Variants in KIF26B observed in about 807,000 individuals in gnomAD.
KIF26B encodes kinesin family member 26B, also known as kinesin-like protein KIF26B.
In KIF26B, 63 loss-of-function variants were observed where a neutral mutation model predicts 151.2. That is an observed-to-expected ratio of 0.42 (90% CI 0.34 to 0.51). KIF26B has a LOEUF of 0.51. KIF26B is among the 20% of genes least tolerant of loss of function. The probability of loss-of-function intolerance (pLI) is 0.07; values close to 1 mark genes in which losing one functional copy is unlikely to be tolerated. For missense variants in KIF26B, 2,813 were observed against 2,913.6 expected, an observed-to-expected ratio of 0.97 and a Z score of 0.79; for synonymous variants, 1,357 against 1,262.1, an observed-to-expected ratio of 1.08 and a Z score of -1.59.
chr1:245,436,034 A>G (rs780124665), intron 4 of KIF26B, among the ~76,000 whole-genome samples: 28 of 151,988 alleles, frequency 1.8e-4, no homozygotes, highest in Non-Finnish European at 3.2e-4. Context: ...AAAATTAGCC[A>G]GGCGTGGTGG....
chr1:245,434,876 A>G (rs1277419768), intron 4 of KIF26B, among the ~76,000 whole-genome samples: 1 of 152,008 alleles, frequency 6.6e-6, no homozygotes, highest in Non-Finnish European at 1.5e-5. Flanking sequence ...GCTGTTACCT[A>G]GAGTCACCTC....
At chr1:245,464,265 G>C (rs1007080908) in intron 4 of KIF26B, among the ~76,000 whole-genome samples, 1 of 152,358 alleles carries the variant, frequency 6.6e-6, no homozygotes, top group South Asian at 2.1e-4. Context: ...ATAGCAGTGA[G>C]GGGTGAGTCG....
rs561567900 is a variant in KIF26B at position 245,528,808 on chromosome 1, C to T, written c.1167-11959C>T. Among the ~76,000 whole-genome samples the T allele has an allele frequency of 2.5e-4, 38 of 152,242 alleles. No individual in the cohort carries two copies. In the South Asian group the frequency reaches 6.0e-3, roughly 24 times the overall value. On this transcript the variant is annotated intron_variant, in intron 4 of 14. Transcript: ENST00000407071. ...GGCTTAGAGCAAGTCGCCACCTTCC[C>T]GAGGTCATCCAACTCTCAGAAACAG...
intron 4 of KIF26B, 56 bp downstream of exon 4, chr1:245,419,801 C>T: frequency 6.8e-7 from 1 of 1,461,198 alleles, no homozygotes; most frequent in Non-Finnish European, 9.3e-7. Flanking sequence ...TGGTTAGCCC[C>T]TCACGTGGAC....
intron 2 of KIF26B, among the ~76,000 whole-genome samples, chr1:245,291,310 A>G (rs1287848202): frequency 6.6e-6 from 1 of 152,196 alleles, no homozygotes; most frequent in African/African-American, 2.4e-5. Flanking sequence ...CAAACAATCT[A>G]TTATTCTTGG....
chr1:245,621,470 A>G (rs1326430010), intron 9 of KIF26B, among the ~76,000 whole-genome samples: 1 of 152,152 alleles, frequency 6.6e-6, no homozygotes, highest in East Asian at 1.9e-4. Flanking sequence ...AGACGTTATT[A>G]TATTGTTTCC....
At chr1:245,204,510 A>G (rs1486391704) in intron 2 of KIF26B, among the ~76,000 whole-genome samples, 1 of 151,856 alleles carries the variant, frequency 6.6e-6, no homozygotes, top group East Asian at 1.9e-4. Flanking sequence ...AGTAGCTGGG[A>G]TTACAAGCGC....
intron 4 of KIF26B, among the ~76,000 whole-genome samples, chr1:245,479,141 TA>T (rs1477577252): frequency 5.9e-5 from 9 of 151,664 alleles, no homozygotes; most frequent in African/African-American, 2.2e-4. Context: ...GCTGCAGATA[TA>T]AATTTGGGAA....
intron 2 of KIF26B, among the ~76,000 whole-genome samples, chr1:245,247,488 T>G (rs1282404578): frequency 6.6e-6 from 1 of 151,902 alleles, no homozygotes; most frequent in Non-Finnish European, 1.5e-5. Context: ...TTGAGATGCT[T>G]GGAGGAATAG....
intron 2 of KIF26B, among the ~76,000 whole-genome samples, chr1:245,280,321 G>C (rs1278216933): frequency 2.0e-5 from 3 of 150,454 alleles, no homozygotes; most frequent in African/African-American, 4.9e-5. Flanking sequence ...AGACCATCCT[G>C]GCTAACACGG....
intron 5 of KIF26B, among the ~76,000 whole-genome samples, chr1:245,561,432 G>T (rs1302605462): frequency 1.3e-5 from 2 of 152,150 alleles, no homozygotes; most frequent in Non-Finnish European, 2.9e-5. Flanking sequence ...AAGGGGCCAG[G>T]TTGGGTCACT....
rs779173308 is a variant in KIF26B, at chr1:245,698,545, C to T, written c.6027+237C>T. Among the ~76,000 whole-genome samples the T allele has an allele frequency of 1.2e-4, 18 of 152,156 alleles. No individual in the cohort carries two copies. Among genetic ancestry groups the T allele is most frequent in the Admixed American group, 2.6e-4 (4 of 15,272 alleles). Reference sequence around the variant, plus strand: ...TTTTAAGGGCTTCAAAGCCAGGGGTCGGGGGCTGGTGATCTTGGGGGCTTT... The same window carrying T: ...TTTTAAGGGCTTCAAAGCCAGGGGTTGGGGGCTGGTGATCTTGGGGGCTTT... On this transcript the variant is annotated intron_variant, in intron 13 of 14. Transcript: ENST00000407071. The surrounding 1 kb of genome is among the most constrained non-coding windows in gnomAD (Gnocchi z 4.0).
At chr1:245,268,329 A>T (rs1404273977) in intron 2 of KIF26B, among the ~76,000 whole-genome samples, 1 of 151,690 alleles carries the variant, frequency 6.6e-6, no homozygotes, top group African/African-American at 2.4e-5. Context: ...AAAATTAGCC[A>T]GGCATGGTGG....
intron 2 of KIF26B, among the ~76,000 whole-genome samples, chr1:245,172,510 G>A (rs764988349): frequency 1.3e-4 from 20 of 152,144 alleles, no homozygotes; most frequent in Non-Finnish European, 2.6e-4. Flanking sequence ...GACAGGAGGT[G>A]TCCAAAGTGG....
chr1:245,217,328 ACT>A (rs1669668239), intron 2 of KIF26B, among the ~76,000 whole-genome samples: 1 of 150,938 alleles, frequency 6.6e-6, no homozygotes, highest in Admixed American at 6.6e-5. Flanking sequence ...AATGACTCTC[ACT>A]CTCTTTTCTG....
chr1:245,222,969 A>G (rs940372027), intron 2 of KIF26B, among the ~76,000 whole-genome samples: 1 of 152,090 alleles, frequency 6.6e-6, no homozygotes, highest in Non-Finnish European at 1.5e-5. Context: ...ACACTTTGTT[A>G]TGTTTGCTTT....
chr1:245,184,964 C>T (rs915921038), intron 2 of KIF26B, among the ~76,000 whole-genome samples: 9 of 152,204 alleles, frequency 5.9e-5, no homozygotes, highest in Non-Finnish European at 1.0e-4. Context: ...TGGCTATTTG[C>T]AGCCCAGTAC....
intron 2 of KIF26B, among the ~76,000 whole-genome samples, chr1:245,344,494 CAAAAAAAAA>C (rs57007301): frequency 2.0e-4 from 8 of 40,024 alleles, no homozygotes; most frequent in South Asian, 1.4e-3. Context: ...GACTCCGTCT[CAAAAAAAAA>C]AAAAAAAAAA....
chr1:245,691,211 G>T (rs1349692377), intron 12 of KIF26B, among the ~76,000 whole-genome samples: 1 of 151,956 alleles, frequency 6.6e-6, no homozygotes, highest in Non-Finnish European at 1.5e-5. Flanking sequence ...GAGTAAAGAG[G>T]AAGAACAATG....
Sources: gnomAD v4.1 joint callset for allele counts (sites outside exome capture counted in the v4.1 genomes callset) on GRCh38, gnomAD v4.1.1 for gene constraint, Gnocchi (gnomAD v3.1) non-coding constraint, MANE v1.5 for transcripts, NCBI Gene and HGNC (gene_info 2026-07-23, HGNC 2026-07-21) for gene names.